The following B3GALNT1 variants were observed in gnomAD, a reference collection of about 807,000 sequenced individuals.
B3GALNT1 encodes the protein UDP-GalNAc:beta-1,3-N-acetylgalactosaminyltransferase 1.
In B3GALNT1, 17 loss-of-function variants were observed where a neutral mutation model predicts 27.3. The observed-to-expected ratio is 0.62, with a 90% CI of 0.43 to 0.94. The LOEUF is 0.94. Ranked by LOEUF, B3GALNT1 falls within the 40% of genes least tolerant of loss-of-function variation. The pLI, the probability that B3GALNT1 is intolerant of heterozygous loss-of-function variation, is 0.00. For missense variants in B3GALNT1, 347 were observed against 390.0 expected, an observed-to-expected ratio of 0.89 and a Z score of 0.93; for synonymous variants, 141 against 144.0, an observed-to-expected ratio of 0.98 and a Z score of 0.15.
chr3:161,085,668 T>G lies in B3GALNT1; in HGVS notation c.*91A>C. 1 of 1,424,342 alleles carries G rather than the reference T, an allele frequency of 7.0e-7. No homozygotes were observed. 88.2% of individuals were successfully genotyped at this position (1,424,342 alleles called of 1,614,324 possible). A position where few individuals can be genotyped will look rare whatever the true frequency, so the allele number is the denominator to read the frequency against. ...TTCAGTTCAGTGTAAGCCAGCACAC[T>G]GACCTCCCCATGAATTTTCCACAGT... On this transcript the variant is annotated 3_prime_UTR_variant, in exon 5 of 5. Coordinates refer to ENST00000320474, the MANE Select transcript of B3GALNT1 (RefSeq NM_003781.4).
At chr3:161,096,101 T>C (rs1728001816) in intron 4 of B3GALNT1, among the ~76,000 whole-genome samples, 1 of 152,254 alleles carries the variant, frequency 6.6e-6, no homozygotes, top group Non-Finnish European at 1.5e-5. Flanking sequence ...CACTGCTATA[T>C]GTCCAGTGTC....
In B3GALNT1 at chr3:161,086,275, A is replaced by G; in HGVS notation, c.480T>C (p.Ile160=). 1.2e-6 allele frequency: 2 copies of G among 1,614,156 alleles called. No homozygotes were observed. The highest frequency in any genetic ancestry group is 2.2e-5 in the South Asian group (2 of 91,084). Residue 160 remains isoleucine (I), a synonymous_variant, in exon 5 of 5, where the codon ATT becomes ATC. Coordinates refer to ENST00000320474, the MANE Select transcript of B3GALNT1 (RefSeq NM_003781.4). ...ACTCAGTTACCCACCTGAATGCCAT[A>G]ATGGTTTTCAAGGTCAGGTTATTAT... is the stretch of plus-strand genomic sequence containing the variant. ...DTYNNLTLKT[I]MAFRWVTEFC...
chr3:161,094,516 T>C (rs1212081836), intron 4 of B3GALNT1, among the ~76,000 whole-genome samples: 1 of 152,166 alleles, frequency 6.6e-6, no homozygotes, highest in African/African-American at 2.4e-5. Flanking sequence ...CCTGAAACTC[T>C]TTCCTGGGGT....
intron 4 of B3GALNT1, among the ~76,000 whole-genome samples, chr3:161,097,784 T>G (rs1728980851): frequency 6.6e-6 from 1 of 152,150 alleles, no homozygotes; most frequent in Admixed American, 6.5e-5. Context: ...ATACAAGAAA[T>G]TTTTCCAGCT....
intron 4 of B3GALNT1, among the ~76,000 whole-genome samples, chr3:161,097,496 T>C (rs1017633744): frequency 1.3e-5 from 2 of 152,166 alleles, no homozygotes; most frequent in Non-Finnish European, 2.9e-5. Flanking sequence ...AATCAGTAAG[T>C]CTTCTCCTAG....
intron 4 of B3GALNT1, 29 bp from the exon 5 acceptor site, chr3:161,086,817 T>C: frequency 6.3e-7 from 1 of 1,591,274 alleles, no homozygotes; most frequent in East Asian, 2.3e-5. Flanking sequence ...ATTGGGTTAA[T>C]ATTCCACACC....
In B3GALNT1 at chr3:161,086,090, G is replaced by T; in HGVS notation, c.665C>A (p.Thr222Asn). 6.3e-7 allele frequency: 1 copy of T among 1,599,616 alleles called. No homozygotes were observed. The highest frequency in any genetic ancestry group is 8.5e-7 in the Non-Finnish European group (1 of 1,173,852). The change falls in exon 5 of 5, where the codon ACC (threonine) becomes AAC (asparagine). Residue 222 changes from threonine to asparagine, a missense_variant. By Grantham distance (65) the Thr-to-Asn change is moderately conservative. Coordinates refer to ENST00000320474, the MANE Select transcript of B3GALNT1 (RefSeq NM_003781.4). ...AGGATACTCCTGGTAAGAAATATGG[G>T]TTTTTTGGTAAAATCCTCTATAGGA... ...NYSYRGFYQK[T>N]HISYQEYPFK...
Position 161,085,793 on chromosome 3 carries a change from T to A in B3GALNT1, c.962A>T (p.Gln321Leu). The A allele has an allele frequency of 6.2e-7, 1 of 1,614,142 alleles. No homozygotes were observed. The highest frequency in any genetic ancestry group is 8.5e-7 in the Non-Finnish European group (1 of 1,180,016). ...FSSKEIITFW[Q>L]VMLRNTTCHY The stretch of plus-strand genomic sequence containing the variant: ...GCATGTGGTGTTCCTTAGCATGACC[T>A]GCCAAAAAGTGATGATCTCCTTGGA... The change falls in exon 5 of 5, where the codon CAG (glutamine) becomes CTG (leucine). Residue 321 changes from glutamine (Q) to leucine (L), a missense_variant. By Grantham distance (113) the Gln-to-Leu change is moderately radical (BLOSUM62 -2). Coordinates refer to ENST00000320474, the MANE Select transcript of B3GALNT1 (RefSeq NM_003781.4).
chr3:161,096,451 T>C (rs1728233755), intron 4 of B3GALNT1, among the ~76,000 whole-genome samples: 2 of 152,216 alleles, frequency 1.3e-5, no homozygotes, highest in Admixed American at 6.5e-5. Flanking sequence ...ACTTTTCTTC[T>C]ACATAAAATA....
At chr3:161,104,673 C>T (rs888143262) in intron 1 of B3GALNT1, 3 of 217,532 alleles carry the variant, frequency 1.4e-5, no homozygotes, top group African/African-American at 7.0e-5. Flanking sequence ...TCTCCACATT[C>T]CCCACTTAGT....
At chr3:161,092,210 T>C (rs988715518) in intron 4 of B3GALNT1, among the ~76,000 whole-genome samples, 11 of 152,172 alleles carry the variant, frequency 7.2e-5, no homozygotes, top group African/African-American at 2.4e-5. Context: ...AATCCATAAA[T>C]ATATGTCCAT....
intron 4 of B3GALNT1, among the ~76,000 whole-genome samples, chr3:161,095,914 A>G (rs1196348007): frequency 2.0e-5 from 3 of 152,220 alleles, no homozygotes; most frequent in African/African-American, 7.2e-5. Context: ...CTCCCCTCGG[A>G]CCTCAACTGG....
In B3GALNT1 at chr3:161,085,989, T is replaced by C; in HGVS notation, c.766A>G (p.Met256Val). 1.3e-6 allele frequency: 2 copies of C among 1,587,612 alleles called. No individual in the cohort carries two copies. Among genetic ancestry groups the C allele is most frequent in the African/African-American group, 1.4e-5 (1 of 73,854 alleles). ...SRDLVPRIYE[M>V]MGHVKPIKFE... ...TTGATGGGTTTTACGTGACCCATCA[T>C]TTCATAGATCCTTGGCACCAAATCT... Residue 256 changes from methionine to valine, a missense_variant, in exon 5 of 5, where the codon ATG becomes GTG. Coordinates refer to ENST00000320474, the MANE Select transcript of B3GALNT1 (RefSeq NM_003781.4).
At position 161,086,413 on chromosome 3, in the gene B3GALNT1, T is replaced by C; in HGVS notation, c.342A>G (p.Thr114=). Residue 114 remains threonine, a synonymous_variant, in exon 5 of 5, where the codon ACA becomes ACG. Transcript: ENST00000320474. ...CAGCCTCTTGGCCTAATAAGAAAAA[T>C]GTAAGAACCTCATATCCCCACCAAG... ...KKSWWGYEVL[T]FFLLGQEAEK... 1.9e-6 allele frequency: 3 copies of C among 1,613,954 alleles called. No individual in the cohort carries two copies. Among genetic ancestry groups the C allele is most frequent in the Non-Finnish European group, 2.5e-6 (3 of 1,180,004 alleles).
intron 4 of B3GALNT1, among the ~76,000 whole-genome samples, chr3:161,095,528 C>G (rs942738733): frequency 6.6e-6 from 1 of 152,194 alleles, no homozygotes; most frequent in African/African-American, 2.4e-5. Flanking sequence ...AACTGCCCTG[C>G]TGATGCTGCC....
chr3:161,093,776 A>C (rs1456071701), intron 4 of B3GALNT1, among the ~76,000 whole-genome samples: 1 of 152,140 alleles, frequency 6.6e-6, no homozygotes, highest in Non-Finnish European at 1.5e-5. Flanking sequence ...AGGCGGGAGG[A>C]TCGCTGGAGG....
At chr3:161,103,138 T>C (rs948438962) in intron 3 of B3GALNT1, 1 of 170,546 alleles carries the variant, frequency 5.9e-6, no homozygotes, top group African/African-American at 2.4e-5. Context: ...CTCTGCAGGC[T>C]TAGGTAGGAG....
chr3:161,104,253 A>T, intron 2 of B3GALNT1, 66 bp downstream of exon 2: 2 of 1,223,576 alleles, frequency 1.6e-6, no homozygotes, highest in Non-Finnish European at 1.1e-6. Context: ...TCTTTTGCTT[A>T]AGCCTCCTGG....
intron 4 of B3GALNT1, among the ~76,000 whole-genome samples, chr3:161,088,615 A>G (rs1723320106): frequency 6.6e-6 from 1 of 152,242 alleles, no homozygotes; most frequent in Admixed American, 6.5e-5. Flanking sequence ...AGTAATTAAC[A>G]CTGCCTTTAT....
Sources: allele counts gnomAD v4.1 joint callset (sites outside exome capture counted in the v4.1 genomes callset), GRCh38; gene constraint gnomAD v4.1.1; transcripts MANE v1.5; gene names NCBI Gene and HGNC (gene_info 2026-07-23, HGNC 2026-07-21).